The following RAB27A variants were observed in gnomAD, a reference collection of about 807,000 sequenced individuals.
RAB27A encodes the protein RAB27A, member RAS oncogene family, also known as ras-related protein Rab-27A.
RAB27A carries 17 observed loss-of-function variants against 20.8 expected under a neutral mutation model. The observed-to-expected ratio is 0.82, with a 90% CI of 0.56 to 1.23. The LOEUF (loss-of-function observed/expected upper bound fraction) is 1.23, where lower values mean the gene tolerates loss of function less well. RAB27A is among the 50% of genes most tolerant of loss of function. RAB27A has a pLI of 0.00. For missense variants in RAB27A, 277 were observed against 266.7 expected, an observed-to-expected ratio of 1.04 and a Z score of -0.27; for synonymous variants, 85 against 92.8, an observed-to-expected ratio of 0.92 and a Z score of 0.48.
chr15:55,305,380 G>T (rs1456331175), intron 2 of RAB27A, among the ~76,000 whole-genome samples: 1 of 152,226 alleles, frequency 6.6e-6, no homozygotes, highest in East Asian at 1.9e-4. Context: ...TGGTCCAGGG[G>T]TCCACGGTAG....
chr15:55,308,242 T>C (rs2055006505), intron 2 of RAB27A, among the ~76,000 whole-genome samples: 1 of 152,232 alleles, frequency 6.6e-6, no homozygotes, highest in African/African-American at 2.4e-5. Context: ...TTCTTTAGGT[T>C]GCTGTACAGC....
chr15:55,209,683 G>A (rs2140905560), intron 6 of RAB27A, among the ~76,000 whole-genome samples: 1 of 149,810 alleles, frequency 6.7e-6, no homozygotes, highest in African/African-American at 2.5e-5. Context: ...TCTCTCCTAA[G>A]AAAACTTACA....
At chr15:55,316,891 G>A (rs917934069) in intron 1 of RAB27A, among the ~76,000 whole-genome samples, 1 of 152,146 alleles carries the variant, frequency 6.6e-6, no homozygotes, top group Non-Finnish European at 1.5e-5. Flanking sequence ...TTGAATGACT[G>A]CCAAAATATA....
intron 3 of RAB27A, 93 bp from the exon 4 acceptor site, chr15:55,230,579 C>T: frequency 1.0e-6 from 1 of 996,032 alleles, no homozygotes; most frequent in South Asian, 1.3e-5. Context: ...CCAAAGGCAT[C>T]TAAAATTCCA....
chr15:55,312,831 T>G (rs769188094), intron 2 of RAB27A, among the ~76,000 whole-genome samples: 18 of 152,218 alleles, frequency 1.2e-4, no homozygotes, highest in Non-Finnish European at 2.4e-4. Context: ...GAAGAGTCCA[T>G]GTCCCTTGCC....
chr15:55,299,251 C>T (rs531215424), intron 2 of RAB27A, among the ~76,000 whole-genome samples: 38 of 152,286 alleles, frequency 2.5e-4, no homozygotes, highest in Admixed American at 5.2e-4. Flanking sequence ...TCACAATCCA[C>T]GTTCTTCTGC....
intron 2 of RAB27A, among the ~76,000 whole-genome samples, chr15:55,258,354 A>T (rs1329067992): frequency 6.6e-6 from 1 of 152,152 alleles, no homozygotes; most frequent in African/African-American, 2.4e-5. Flanking sequence ...TTCTCTAGAA[A>T]ATTGCTTTCC....
chr15:55,278,731 C>T (rs1897940277), intron 1 of RAB27A, among the ~76,000 whole-genome samples: 1 of 152,158 alleles, frequency 6.6e-6, no homozygotes, highest in Non-Finnish European at 1.5e-5. Context: ...ATCTGCCCGC[C>T]TCAGCCTCCC....
chr15:55,270,016 T>G (rs1022311667), intron 2 of RAB27A, 149 bp downstream of exon 2: 4 of 152,242 alleles, frequency 2.6e-5, no homozygotes, highest in Non-Finnish European at 5.9e-5. Context: ...TCCCAAGAAA[T>G]TTAGTAGACA....
intron 2 of RAB27A, among the ~76,000 whole-genome samples, chr15:55,307,970 A>G (rs925923696): frequency 1.3e-4 from 20 of 152,072 alleles, no homozygotes; most frequent in Non-Finnish European, 2.2e-4. Context: ...GCTGCCAGCA[A>G]AAGTATTTTT....
intron 6 of RAB27A, among the ~76,000 whole-genome samples, chr15:55,218,622 C>T (rs1420093479): frequency 6.6e-6 from 1 of 152,164 alleles, no homozygotes; most frequent in African/African-American, 2.4e-5. Flanking sequence ...AACTCTTGAG[C>T]ATCTTCCTCA....
At chr15:55,205,777 A>C (rs1894620576) in intron 6 of RAB27A, 72 bp from the exon 7 acceptor site, 1 of 1,303,796 alleles carries the variant, frequency 7.7e-7, no homozygotes, top group East Asian at 2.3e-5. Context: ...TTGATAATTC[A>C]AATTAGAGAA....
chr15:55,303,599 G>A (rs1346977841), intron 2 of RAB27A, among the ~76,000 whole-genome samples: 1 of 95,646 alleles, frequency 1.0e-5, no homozygotes, highest in African/African-American at 4.3e-5. Flanking sequence ...CGCCCCGTCC[G>A]GGAGGGAGGT....
chr15:55,300,725 T>C (rs1024482051), intron 2 of RAB27A, among the ~76,000 whole-genome samples: 1 of 152,024 alleles, frequency 6.6e-6, no homozygotes, highest in Non-Finnish European at 1.5e-5. Flanking sequence ...CATATAGTTT[T>C]CATAAAGGCA....
chr15:55,275,534 C>T (rs568674563), intron 1 of RAB27A, among the ~76,000 whole-genome samples: 31 of 150,864 alleles, frequency 2.1e-4, no homozygotes, highest in Non-Finnish European at 3.0e-4. Context: ...GGCTGAGGCA[C>T]GAGAATCACT....
At position 55,205,636 on chromosome 15, in the gene RAB27A, G is replaced by C. The variant is rs765537875; in HGVS notation, c.537C>G (p.Asp179Glu). The change falls in exon 7 of 7, where the codon GAC (aspartate) becomes GAG (glutamate). Residue 179 changes from aspartate (D) to glutamate (E), a missense_variant. By Grantham distance (45) the Asp-to-Glu change is conservative. Transcript: ENST00000336787. ...NISQAIEMLL[D>E]LIMKRMERCV... ...ACCGTTCCATTCGCTTCATTATCAG[G>C]TCCAGAAGCATCTCAATTGCTTGGC... 3 of 1,614,016 alleles carry C rather than the reference G, an allele frequency of 1.9e-6. No homozygotes were observed. The highest frequency in any genetic ancestry group is 2.5e-6 in the Non-Finnish European group (3 of 1,179,938).
chr15:55,284,132 T>G (rs1898088583), intron 1 of RAB27A, among the ~76,000 whole-genome samples: 1 of 152,236 alleles, frequency 6.6e-6, no homozygotes, highest in Non-Finnish European at 1.5e-5. Flanking sequence ...AAATAGCAGT[T>G]AGAGAAAGCA....
At chr15:55,241,009 G>A (rs900611135) in intron 2 of RAB27A, among the ~76,000 whole-genome samples, 1 of 152,148 alleles carries the variant, frequency 6.6e-6, no homozygotes, top group African/African-American at 2.4e-5. Context: ...TACACACAAA[G>A]TTTGGAACAG....
intron 2 of RAB27A, among the ~76,000 whole-genome samples, chr15:55,266,803 C>T (rs549812025): frequency 6.6e-6 from 1 of 152,170 alleles, no homozygotes; most frequent in Non-Finnish European, 1.5e-5. Context: ...TCTCAACTAC[C>T]ACATTACACT....
Sources: gnomAD v4.1 joint callset for allele counts (sites outside exome capture counted in the v4.1 genomes callset) on GRCh38, gnomAD v4.1.1 for gene constraint, MANE v1.5 for transcripts, NCBI Gene and HGNC (gene_info 2026-07-23, HGNC 2026-07-21) for gene names.